Variants in CYP2J2 observed in about 807,000 individuals in gnomAD.
CYP2J2 encodes the protein cytochrome P450 family 2 subfamily J member 2, also known as cytochrome P450 2J2.
In CYP2J2, 41 loss-of-function variants were observed where a neutral mutation model predicts 48.8. The observed-to-expected ratio is 0.84, with a 90% CI of 0.66 to 1.09. The LOEUF is 1.09. Among genes scored for constraint, CYP2J2 ranks in the 50% least tolerant of loss-of-function variants. The pLI, the probability that CYP2J2 is intolerant of heterozygous loss-of-function variation, is 0.00. For synonymous variants in CYP2J2, 221 were observed against 227.1 expected, an observed-to-expected ratio of 0.97 and a Z score of 0.24; for missense variants, 644 against 617.3, an observed-to-expected ratio of 1.04 and a Z score of -0.46.
At chr1:59,951,794 G>A in the CYP2J2 span, among the ~76,000 whole-genome samples, 1 of 152,124 alleles carries the variant, frequency 6.6e-6, no homozygotes, top group African/African-American at 2.4e-5. Context: ...CACATGCCAT[G>A]TCCAGCTAGC....
chr1:59,941,634 G>A, the CYP2J2 span, among the ~76,000 whole-genome samples: 1 of 152,164 alleles, frequency 6.6e-6, no homozygotes, highest in Non-Finnish European at 1.5e-5. Flanking sequence ...TTGCCCTGAA[G>A]ATCTTCCAGT....
intron 8 of CYP2J2, among the ~76,000 whole-genome samples, chr1:59,894,173 G>A (rs940031310): frequency 1.3e-5 from 2 of 151,882 alleles, no homozygotes; most frequent in African/African-American, 2.4e-5. Flanking sequence ...TAACAAACGT[G>A]ACAAAAAAAG....
chr1:59,911,912 A>G, intron 3 of CYP2J2, 144 bp from the exon 4 acceptor site: 1 of 906,960 alleles, frequency 1.1e-6, no homozygotes, highest in Non-Finnish European at 1.7e-6. Context: ...ACTGCATCTG[A>G]CATACAACAA....
the CYP2J2 span, among the ~76,000 whole-genome samples, chr1:59,935,047 TATATAC>T: frequency 6.5e-5 from 6 of 92,820 alleles, no homozygotes; most frequent in African/African-American, 2.4e-4. Flanking sequence ...TATATATATA[TATATAC>T]ACAACAGAAT....
At chr1:59,921,030 G>A (rs985594835) in intron 1 of CYP2J2, among the ~76,000 whole-genome samples, 3 of 151,864 alleles carry the variant, frequency 2.0e-5, no homozygotes, top group Admixed American at 2.0e-4. Flanking sequence ...TCTACAAAAG[G>A]TTATCCCCAG....
the CYP2J2 span, among the ~76,000 whole-genome samples, chr1:59,959,643 GTATA>G: frequency 6.6e-6 from 1 of 151,696 alleles, no homozygotes; most frequent in African/African-American, 2.4e-5. Context: ...TGTGATATAT[GTATA>G]TACATATATG....
rs376159896 is a variant in CYP2J2 at position 59,895,960 on chromosome 1, G to T, written c.1331-2131C>A. On this transcript the variant is annotated intron_variant, in intron 8 of 8. Transcript: ENST00000371204. ...TGGGATTCCTGTTTTTATTCAAAGGGTTATAATCTGTTACTATCATTACTT... is the reference window on the plus strand; with the variant it reads ...TGGGATTCCTGTTTTTATTCAAAGGTTTATAATCTGTTACTATCATTACTT... Among the ~76,000 whole-genome samples, 4 of 152,018 alleles carry T rather than the reference G, an allele frequency of 2.6e-5. No individual in the cohort carries two copies. In the South Asian group the frequency reaches 8.3e-4, roughly 32 times the overall value.
At chr1:59,951,750 A>T in the CYP2J2 span, among the ~76,000 whole-genome samples, 1 of 152,028 alleles carries the variant, frequency 6.6e-6, no homozygotes, top group African/African-American at 2.4e-5. Flanking sequence ...GTCACCAAGG[A>T]CCCTCCTGTC....
the CYP2J2 span, among the ~76,000 whole-genome samples, chr1:59,942,515 TA>T: frequency 6.6e-6 from 1 of 152,180 alleles, no homozygotes; most frequent in African/African-American, 2.4e-5. Flanking sequence ...AAGGAATGTG[TA>T]AGCCAGGGTC....
intron 2 of CYP2J2, among the ~76,000 whole-genome samples, chr1:59,913,905 A>T (rs1395577678): frequency 2.6e-5 from 4 of 152,234 alleles, no homozygotes; most frequent in African/African-American, 9.6e-5. Flanking sequence ...AGGAACCTGC[A>T]TGAACTATTC....
At chr1:59,916,167 G>T in intron 1 of CYP2J2, 67 bp from the exon 2 acceptor site, 2 of 1,398,300 alleles carry the variant, frequency 1.4e-6, no homozygotes, top group Non-Finnish European at 2.0e-6. Flanking sequence ...TGGAGGATGT[G>T]TGTAGCTGGA....
At position 59,911,752 on chromosome 1, in the gene CYP2J2, A is replaced by G. The variant is rs1362862536; in HGVS notation, c.540T>C (p.Pro180=). 3 of 1,613,006 alleles carry G rather than the reference A, an allele frequency of 1.9e-6. No individual in the cohort carries two copies. The Admixed American group carries it at 5.0e-5, about 27-fold the overall frequency. ...IKEENGQPFD[P]HFKINNAVSN... ...AAACTGCATTGTTGATCTTGAAATGAGGGTCAAAAGGCTGTCCTGAAGGTG... is the reference window on the plus strand; with the variant it reads ...AAACTGCATTGTTGATCTTGAAATGGGGGTCAAAAGGCTGTCCTGAAGGTG... The change falls in exon 4 of 9, where the codon CCT becomes CCC. Residue 180 remains proline (P), a synonymous_variant. Transcript: ENST00000371204.
chr1:59,918,001 C>CA (rs1644481807), intron 1 of CYP2J2, among the ~76,000 whole-genome samples: 1 of 152,158 alleles, frequency 6.6e-6, no homozygotes, highest in Admixed American at 6.5e-5. Context: ...CATTAAAGTC[C>CA]AAGCCTGAAC....
At chr1:59,895,137 C>T (rs1644257548) in intron 8 of CYP2J2, among the ~76,000 whole-genome samples, 1 of 152,220 alleles carries the variant, frequency 6.6e-6, no homozygotes, top group Non-Finnish European at 1.5e-5. Context: ...GCATGACCAA[C>T]ATCTTCCCGA....
intron 1 of CYP2J2, among the ~76,000 whole-genome samples, chr1:59,922,926 T>C (rs1644530571): frequency 6.6e-6 from 1 of 152,220 alleles, no homozygotes; most frequent in Non-Finnish European, 1.5e-5. Flanking sequence ...TCTTTCAGCC[T>C]ACTTTGCAAT....
At chr1:59,965,849 G>C in the CYP2J2 span, among the ~76,000 whole-genome samples, 1 of 151,960 alleles carries the variant, frequency 6.6e-6, no homozygotes, top group Non-Finnish European at 1.5e-5. Context: ...ACGGGGCTTC[G>C]TCATGTTGGT....
chr1:59,930,261 G>A (rs1644596849), upstream of CYP2J2, among the ~76,000 whole-genome samples: 1 of 152,134 alleles, frequency 6.6e-6, no homozygotes, highest in African/African-American at 2.4e-5. Flanking sequence ...TTTTGGGTGT[G>A]TTCCCAGAGA....
At chr1:59,937,144 G>T in the CYP2J2 span, among the ~76,000 whole-genome samples, 1 of 152,110 alleles carries the variant, frequency 6.6e-6, no homozygotes, top group African/African-American at 2.4e-5. Context: ...TTTCCATCTT[G>T]TTACCTCTCC....
chr1:59,947,647 G>C, the CYP2J2 span, among the ~76,000 whole-genome samples: 1 of 152,182 alleles, frequency 6.6e-6, no homozygotes, highest in Admixed American at 6.5e-5. Flanking sequence ...GATCACGCCA[G>C]TAAACTTCTA....
Sources: allele counts gnomAD v4.1 joint callset (sites outside exome capture counted in the v4.1 genomes callset), GRCh38; gene constraint gnomAD v4.1.1; transcripts MANE v1.5; gene names NCBI Gene and HGNC (gene_info 2026-07-23, HGNC 2026-07-21).